TMC2: variants seen among roughly 807,000 people sequenced by gnomAD.
TMC2 encodes the protein transmembrane channel-like protein 2.
Under a neutral mutation model 105.9 loss-of-function variants are expected in TMC2, and 102 were observed. The ratio of observed to expected loss-of-function variants is 0.96; its 90% CI spans 0.82 to 1.14. The LOEUF (loss-of-function observed/expected upper bound fraction) is 1.14, where lower values mean the gene tolerates loss of function less well. Among genes scored for constraint, TMC2 ranks in the 50% most tolerant of loss-of-function variants. TMC2 has a pLI of 0.00. For missense variants in TMC2, 1,093 were observed against 1,134.3 expected, an observed-to-expected ratio of 0.96 and a Z score of 0.52; for synonymous variants, 402 against 422.8, an observed-to-expected ratio of 0.95 and a Z score of 0.60.
intron 14 of TMC2, chr20:2,613,560 A>G (rs900491573): frequency 2.0e-6 from 1 of 492,812 alleles, no homozygotes; most frequent in Non-Finnish European, 3.7e-6. Context: ...TAGGAAATGG[A>G]GGCATTTGGC....
intron 2 of TMC2, among the ~76,000 whole-genome samples, chr20:2,548,107 G>A (rs2085935292): frequency 6.6e-6 from 1 of 152,182 alleles, no homozygotes; most frequent in Non-Finnish European, 1.5e-5. Flanking sequence ...TGGTAGGATG[G>A]ATAATTGTCA....
At chr20:2,599,730 C>T (rs1221192412) in intron 10 of TMC2, among the ~76,000 whole-genome samples, 1 of 152,060 alleles carries the variant, frequency 6.6e-6, no homozygotes, top group East Asian at 1.9e-4. Context: ...GTGTGAGCCA[C>T]TGCACCCAGC....
intron 18 of TMC2, 47 bp from the exon 19 acceptor site, chr20:2,637,427 A>G: frequency 7.9e-7 from 1 of 1,261,636 alleles, no homozygotes; most frequent in Non-Finnish European, 1.2e-6. Context: ...CTGAGCCTCA[A>G]AGACCCATTT....
At chr20:2,553,466 TTA>T (rs1463889031) in intron 2 of TMC2, among the ~76,000 whole-genome samples, 2 of 152,200 alleles carry the variant, frequency 1.3e-5, no homozygotes. Context: ...ACAACTCTTT[TTA>T]TATGTTCTTG....
At chr20:2,611,670 T>A (rs1323396531) in intron 12 of TMC2, among the ~76,000 whole-genome samples, 3 of 152,224 alleles carry the variant, frequency 2.0e-5, no homozygotes, top group African/African-American at 7.2e-5. Flanking sequence ...CATCATTTAC[T>A]AGACTCTAAT....
In TMC2 at chr20:2,637,471, C is replaced by A. The variant is rs371101230; in HGVS notation, c.2386-3C>A. 103 of 1,598,140 alleles carry A rather than the reference C, an allele frequency of 6.4e-5. 1 individual carries two copies. Among genetic ancestry groups the A allele is most frequent in the Non-Finnish European group, 8.1e-5 (95 of 1,165,958 alleles). ...AGGACCAACAGTTCATTATTTCCTGCAGCTCCGTGAAGTTGAGAAGAGTCA... is the reference window on the plus strand; with the variant it reads ...AGGACCAACAGTTCATTATTTCCTGAAGCTCCGTGAAGTTGAGAAGAGTCA... On this transcript the variant is annotated splice_region_variant and splice_polypyrimidine_tract_variant and intron_variant, in intron 18 of 19. Transcript: ENST00000358864.
rs74943578 is a variant in TMC2 at position 2,546,032 on chromosome 20, G to A, written c.82+8716G>A. Among the ~76,000 whole-genome samples the A allele has an allele frequency of 7.9e-3, 1,205 of 152,262 alleles. 14 individuals carry two copies. Among genetic ancestry groups the A allele is most frequent in the African/African-American group, 0.027 (1,134 of 41,554 alleles). ...AAATATACCACTTGTTCCCCAATCC[G>A]CTTATAATTCTGTCAGTGAAAGTCT... On this transcript the variant is annotated intron_variant, in intron 2 of 19. Coordinates refer to ENST00000358864, the MANE Select transcript of TMC2 (RefSeq NM_080751.3).
At chr20:2,562,708 G>A (rs958660749) in intron 4 of TMC2, among the ~76,000 whole-genome samples, 1 of 152,172 alleles carries the variant, frequency 6.6e-6, no homozygotes. Flanking sequence ...CACTTTGGGA[G>A]GCCAAGGCAG....
intron 2 of TMC2, among the ~76,000 whole-genome samples, chr20:2,557,513 A>G (rs976500931): frequency 2.0e-5 from 3 of 152,108 alleles, no homozygotes; most frequent in Non-Finnish European, 4.4e-5. Context: ...CTGTTAACAT[A>G]TTAATCAGTT....
chr20:2,565,729 A>G (rs547319361), intron 4 of TMC2, among the ~76,000 whole-genome samples: 1 of 152,116 alleles, frequency 6.6e-6, no homozygotes, highest in Non-Finnish European at 1.5e-5. Flanking sequence ...GAGCATGGTT[A>G]CTGTAGACTA....
intron 19 of TMC2, among the ~76,000 whole-genome samples, chr20:2,639,286 C>T (rs890307628): frequency 6.6e-6 from 1 of 152,208 alleles, no homozygotes; most frequent in Non-Finnish European, 1.5e-5. Context: ...CTTTCACATT[C>T]ACTCATCACC....
In TMC2 at chr20:2,572,399, C is replaced by G. The variant is rs2122857546; in HGVS notation, c.645+130C>G. 2.2e-5 allele frequency: 15 copies of G among 679,816 alleles called. No homozygotes were observed. In the South Asian group the frequency reaches 2.5e-4, roughly 11 times the overall value. 42.1% of individuals were successfully genotyped at this position (679,816 alleles called of 1,614,324 possible). A position where few individuals can be genotyped will look rare whatever the true frequency, so the allele number is the denominator to read the frequency against. ...CCCCCAGAATCCTGGGTGTGAGGGC[C>G]ACCTGACCATTCTGATCCATCTAGG... is the stretch of plus-strand genomic sequence containing the variant. On this transcript the variant is annotated intron_variant, in intron 5 of 19. Transcript: ENST00000358864.
intron 2 of TMC2, among the ~76,000 whole-genome samples, chr20:2,546,001 C>T (rs968704066): frequency 7.9e-5 from 12 of 152,186 alleles, no homozygotes; most frequent in African/African-American, 2.9e-4. Context: ...AGCAGATAGT[C>T]TCCAAAAATA....
chr20:2,543,082 C>T (rs2085901702), intron 2 of TMC2, among the ~76,000 whole-genome samples: 1 of 151,604 alleles, frequency 6.6e-6, no homozygotes, highest in African/African-American at 2.4e-5. Flanking sequence ...ACTAAAAATA[C>T]AAAAATTAGT....
intron 4 of TMC2, among the ~76,000 whole-genome samples, chr20:2,568,778 T>A (rs1245232803): frequency 6.6e-6 from 1 of 152,116 alleles, no homozygotes; most frequent in Non-Finnish European, 1.5e-5. Context: ...AGGGAGAAGA[T>A]CCCATTGAGG....
chr20:2,543,048 C>A (rs989811955), intron 2 of TMC2, among the ~76,000 whole-genome samples: 1 of 151,870 alleles, frequency 6.6e-6, no homozygotes, highest in Non-Finnish European at 1.5e-5. Flanking sequence ...ACCAGCCTGG[C>A]CAACATGGTG....
chr20:2,594,763 T>A (rs1031194301), intron 8 of TMC2, 62 bp from the exon 9 acceptor site: 2 of 1,552,930 alleles, frequency 1.3e-6, no homozygotes, highest in East Asian at 4.6e-5. Context: ...AGAGTAGACA[T>A]GTCTGGTAAC....
intron 14 of TMC2, among the ~76,000 whole-genome samples, chr20:2,615,186 G>T (rs2086470741): frequency 6.6e-6 from 1 of 152,084 alleles, no homozygotes; most frequent in South Asian, 2.1e-4. Context: ...GCTGGGCATG[G>T]TGCTGCACAC....
rs140824600 is a variant in TMC2, at chr20:2,563,286, C to G, written c.554+1276C>G. Among the ~76,000 whole-genome samples the G allele has an allele frequency of 3.4e-3, 524 of 152,324 alleles. 4 individuals are homozygous for G. The highest frequency in any genetic ancestry group is 0.012 in the African/African-American group (487 of 41,574). On this transcript the variant is annotated intron_variant, in intron 4 of 19. Transcript: ENST00000358864. ...GCCGACCCCGACAAGGAAAACAGAG[C>G]TTACCCCACGGCCCTGCAAATTATT...
Sources: allele counts gnomAD v4.1 joint callset (sites outside exome capture counted in the v4.1 genomes callset), GRCh38; gene constraint gnomAD v4.1.1; transcripts MANE v1.5; gene names NCBI Gene and HGNC (gene_info 2026-07-23, HGNC 2026-07-21).